RBFOX1: variants seen among roughly 807,000 people sequenced by gnomAD.
RBFOX1 encodes RNA binding fox-1 homolog 1.
In RBFOX1, 8 loss-of-function variants were observed where a neutral mutation model predicts 57.7. The observed-to-expected ratio is 0.14, with a 90% CI of 0.08 to 0.25. RBFOX1 has a LOEUF of 0.25. Among genes scored for constraint, RBFOX1 ranks in the 10% least tolerant of loss-of-function variants. The pLI, the probability that RBFOX1 is intolerant of heterozygous loss-of-function variation, is 1.00. For missense variants in RBFOX1, 611 were observed against 548.5 expected (o/e 1.11, Z -1.14); for synonymous variants, 326 against 222.4 (o/e 1.47, Z -4.15).
chr16:5,311,274 A>G (rs2064081768), intron 1 of RBFOX1, among the ~76,000 whole-genome samples: 1 of 152,164 alleles, frequency 6.6e-6, no homozygotes, highest in Non-Finnish European at 1.5e-5. Flanking sequence ...ATATATATTA[A>G]TATCACATTT....
At chr16:6,065,339 G>C (rs970449492) in intron 1 of RBFOX1, among the ~76,000 whole-genome samples, 4 of 151,904 alleles carry the variant, frequency 2.6e-5, no homozygotes, top group African/African-American at 9.7e-5. Flanking sequence ...GCGGCCCTAT[G>C]ATTCTTATGG....
chr16:7,248,814 C>A (rs186965988), intron 4 of RBFOX1, among the ~76,000 whole-genome samples: 1 of 152,110 alleles, frequency 6.6e-6, no homozygotes, highest in Non-Finnish European at 1.5e-5. Context: ...ATAACAGTTG[C>A]CTTTTTGAGT....
intron 4 of RBFOX1, among the ~76,000 whole-genome samples, chr16:7,347,373 G>A (rs535109056): frequency 6.6e-6 from 1 of 152,276 alleles, no homozygotes; most frequent in South Asian, 2.1e-4. Flanking sequence ...AAGAGAGCTC[G>A]TGCAGGGAAA....
chr16:7,258,094 C>T (rs985465405), intron 4 of RBFOX1, among the ~76,000 whole-genome samples: 1 of 152,158 alleles, frequency 6.6e-6, no homozygotes, highest in Admixed American at 6.5e-5. Context: ...ATATTCTGTT[C>T]ATGAAAATGC....
At chr16:6,370,125 G>C (rs2090205662) in intron 2 of RBFOX1, among the ~76,000 whole-genome samples, 1 of 152,014 alleles carries the variant, frequency 6.6e-6, no homozygotes. Context: ...TTGGGAGGCC[G>C]AGGCAGGCGG....
intron 14 of RBFOX1, among the ~76,000 whole-genome samples, chr16:7,686,567 C>T (rs2076112921): frequency 1.3e-5 from 2 of 151,988 alleles, no homozygotes; most frequent in South Asian, 2.1e-4. Context: ...TAGGAGTCTA[C>T]ACAGACAAAA....
intron 4 of RBFOX1, among the ~76,000 whole-genome samples, chr16:5,882,606 T>G (rs7203658): frequency 1.3e-5 from 2 of 151,790 alleles, no homozygotes; most frequent in Non-Finnish European, 1.5e-5. Flanking sequence ...ACAGCAAGAG[T>G]GAAACTAGGG....
At chr16:7,691,874 T>A (rs1013094669) in intron 14 of RBFOX1, among the ~76,000 whole-genome samples, 1 of 152,174 alleles carries the variant, frequency 6.6e-6, no homozygotes, top group African/African-American at 2.4e-5. Context: ...ATAAATCATG[T>A]CGCCATTCTT....
chr16:7,424,887 G>T, intron 4 of RBFOX1, among the ~76,000 whole-genome samples: 1 of 152,090 alleles, frequency 6.6e-6, no homozygotes, highest in East Asian at 1.9e-4. Context: ...ACCCCCTACT[G>T]AGGTAAAATT....
At chr16:7,341,693 ACCTTCCTT>A (rs777842492) in intron 4 of RBFOX1, among the ~76,000 whole-genome samples, 6 of 144,702 alleles carry the variant, frequency 4.1e-5, no homozygotes, top group Admixed American at 7.0e-5. Context: ...CAATGGTCCT[ACCTTCCTT>A]CCTTCCTTCC....
intron 10 of RBFOX1, among the ~76,000 whole-genome samples, chr16:7,618,819 G>A (rs1185878299): frequency 3.3e-5 from 5 of 152,146 alleles, no homozygotes; most frequent in Admixed American, 6.5e-5. Context: ...CCTACTTTGA[G>A]TAACTTCATC....
At chr16:5,431,334 G>A (rs949294596) in intron 1 of RBFOX1, among the ~76,000 whole-genome samples, 6 of 152,162 alleles carry the variant, frequency 3.9e-5, no homozygotes, top group Non-Finnish European at 8.8e-5. Context: ...AATTTTAAAA[G>A]TTAGGGTCTG....
intron 1 of RBFOX1, among the ~76,000 whole-genome samples, chr16:5,432,942 C>T (rs1229566446): frequency 6.6e-6 from 1 of 152,186 alleles, no homozygotes; most frequent in African/African-American, 2.4e-5. Context: ...CACACCACCA[C>T]TCCTGGCTGA....
chr16:7,395,059 T>A (rs4519347), intron 4 of RBFOX1, among the ~76,000 whole-genome samples: 11,878 of 152,268 alleles, frequency 0.078, 476 homozygotes, highest in South Asian at 0.14. Flanking sequence ...ACTAGGGGGA[T>A]AAATAGAGCC....
chr16:6,539,483 T>G (rs1391074913), intron 2 of RBFOX1, among the ~76,000 whole-genome samples: 1 of 152,118 alleles, frequency 6.6e-6, no homozygotes, highest in Non-Finnish European at 1.5e-5. Flanking sequence ...TGGGTCTATT[T>G]GCACAATATA....
At chr16:6,188,438 G>C (rs1053780619) in intron 1 of RBFOX1, among the ~76,000 whole-genome samples, 1 of 136,006 alleles carries the variant, frequency 7.4e-6, no homozygotes, top group Admixed American at 7.3e-5. Context: ...AAAAAAAAAA[G>C]GCTAAACATA....
chr16:7,223,213 C>G (rs569679207), intron 4 of RBFOX1, among the ~76,000 whole-genome samples: 1 of 152,188 alleles, frequency 6.6e-6, no homozygotes, highest in Non-Finnish European at 1.5e-5. Context: ...AGCCTAAGAG[C>G]TCAAGTTCAA....
Position 7,538,943 on chromosome 16 carries a change from G to T in RBFOX1, c.270+20554G>T, listed in dbSNP as rs1371481718. ...CTATGGTCAATGAGACTTTCATATG[G>T]GCATCATCTTGGCATGTACACACTT... is the stretch of plus-strand genomic sequence containing the variant. On this transcript the variant is annotated intron_variant, in intron 5 of 15. Coordinates refer to ENST00000550418, the MANE Select transcript of RBFOX1 (RefSeq NM_018723.4). Among the ~76,000 whole-genome samples, 3 of 149,136 alleles carry T rather than the reference G, an allele frequency of 2.0e-5. No homozygotes were observed. The South Asian group carries it at 6.4e-4, about 32-fold the overall frequency.
At chr16:7,066,605 GC>G (rs1238060778) in intron 4 of RBFOX1, among the ~76,000 whole-genome samples, 1 of 152,178 alleles carries the variant, frequency 6.6e-6, no homozygotes, top group Non-Finnish European at 1.5e-5. Context: ...GACTCATAAA[GC>G]GGGGGGTGTT....
Sources: allele counts gnomAD v4.1 joint callset (sites outside exome capture counted in the v4.1 genomes callset), GRCh38; gene constraint gnomAD v4.1.1; transcripts MANE v1.5; gene names NCBI Gene and HGNC (gene_info 2026-07-23, HGNC 2026-07-21).